TTC28: variants seen among roughly 807,000 people sequenced by gnomAD.
TTC28 encodes tetratricopeptide repeat domain 28.
TTC28 carries 61 observed loss-of-function variants against 198.0 expected under a neutral mutation model. The observed-to-expected ratio is 0.31, with a 90% CI of 0.25 to 0.38. The LOEUF (loss-of-function observed/expected upper bound fraction) is 0.38, where lower values mean the gene tolerates loss of function less well. TTC28 is among the 10% of genes least tolerant of loss of function. The pLI, the probability that TTC28 is intolerant of heterozygous loss-of-function variation, is 1.00. For missense variants in TTC28, 2,678 were observed against 3,164.0 expected, an observed-to-expected ratio of 0.85 and a Z score of 3.69; for synonymous variants, 1,171 against 1,297.8, an observed-to-expected ratio of 0.90 and a Z score of 2.10.
chr22:28,287,552 G>C (rs548074626), intron 5 of TTC28, among the ~76,000 whole-genome samples: 2 of 152,262 alleles, frequency 1.3e-5, no homozygotes, highest in East Asian at 3.9e-4. Context: ...TGTTGCTAAG[G>C]AGTCAAAGAT....
rs1010048714 is a variant in TTC28, at chr22:28,334,186, C to A, written c.382-27543G>T. Among the ~76,000 whole-genome samples the A allele has an allele frequency of 4.3e-4, 66 of 151,840 alleles. 1 individual carries two copies. The highest frequency in any genetic ancestry group is 1.4e-3 in the African/African-American group (57 of 41,402). On this transcript the variant is annotated intron_variant, in intron 2 of 22. Coordinates refer to ENST00000397906, the MANE Select transcript of TTC28 (RefSeq NM_001145418.2). ...TCCCTACAAAGGACATGAACTCATCCCTTTTTATGGCTGCATAGTATTCCA... is the reference window on the plus strand; with the variant it reads ...TCCCTACAAAGGACATGAACTCATCACTTTTTATGGCTGCATAGTATTCCA...
At chr22:28,277,395 T>A (rs2044492247) in intron 5 of TTC28, among the ~76,000 whole-genome samples, 1 of 152,176 alleles carries the variant, frequency 6.6e-6, no homozygotes, top group Admixed American at 6.5e-5. Context: ...AAAACTGAAA[T>A]AAGAAAGGAT....
chr22:28,039,035 G>T (rs1362861921), intron 12 of TTC28, among the ~76,000 whole-genome samples: 1 of 152,216 alleles, frequency 6.6e-6, no homozygotes, highest in East Asian at 1.9e-4. Context: ...TGCTGGACAG[G>T]ATGTGGAGAT....
At chr22:28,022,865 C>T (rs935217881) in intron 13 of TTC28, among the ~76,000 whole-genome samples, 23 of 152,264 alleles carry the variant, frequency 1.5e-4, no homozygotes, top group Admixed American at 9.8e-4. Flanking sequence ...CTTCCCTCCA[C>T]GAACATCCTC....
chr22:28,292,969 A>G (rs2044815931), intron 5 of TTC28, among the ~76,000 whole-genome samples: 1 of 152,194 alleles, frequency 6.6e-6, no homozygotes, highest in African/African-American at 2.4e-5. Context: ...TAACATAGAT[A>G]AAATACATAT....
chr22:28,113,595 T>C (rs1942550236), intron 6 of TTC28, among the ~76,000 whole-genome samples: 1 of 152,242 alleles, frequency 6.6e-6, no homozygotes, highest in African/African-American at 2.4e-5. Context: ...GTAACTCTTA[T>C]TAGTCTTGCT....
At chr22:28,075,087 CAATA>C (rs139230003) in intron 12 of TTC28, among the ~76,000 whole-genome samples, 11,588 of 151,550 alleles carry the variant, frequency 0.076, 468 homozygotes, top group South Asian at 0.088. Flanking sequence ...GATTCTGTCT[CAATA>C]AATAAATAAA....
intron 2 of TTC28, among the ~76,000 whole-genome samples, chr22:28,546,776 G>A (rs1329543385): frequency 6.6e-6 from 1 of 152,042 alleles, no homozygotes; most frequent in Admixed American, 6.6e-5. Context: ...TACCACAACA[G>A]AATACCACTC....
intron 2 of TTC28, among the ~76,000 whole-genome samples, chr22:28,597,037 G>A (rs1023482350): frequency 9.2e-5 from 14 of 152,114 alleles, no homozygotes; most frequent in African/African-American, 2.9e-4. Flanking sequence ...GGGTAATACC[G>A]AGTCATACCA....
At chr22:28,008,172 C>T (rs2146567815) in intron 14 of TTC28, 1 of 152,298 alleles carries the variant, frequency 6.6e-6, no homozygotes, top group Admixed American at 6.5e-5. Context: ...GAGAGGCCGA[C>T]TTATCCTGCT....
intron 2 of TTC28, among the ~76,000 whole-genome samples, chr22:28,356,433 A>G (rs2046078399): frequency 6.6e-6 from 1 of 152,256 alleles, no homozygotes; most frequent in Middle Eastern, 3.2e-3. Flanking sequence ...GGGCAGCCAC[A>G]TAATTTGGCT....
intron 6 of TTC28, among the ~76,000 whole-genome samples, chr22:28,132,554 C>G (rs1943085123): frequency 6.6e-6 from 1 of 152,066 alleles, no homozygotes; most frequent in African/African-American, 2.4e-5. Flanking sequence ...TTCAAAAAAC[C>G]CTTTCCAGTT....
intron 5 of TTC28, among the ~76,000 whole-genome samples, chr22:28,268,975 A>G (rs1265535987): frequency 6.6e-6 from 1 of 152,178 alleles, no homozygotes. Flanking sequence ...AAAGTACGCT[A>G]TATCTTTAAT....
chr22:28,031,982 C>T (rs1360980993), intron 12 of TTC28, among the ~76,000 whole-genome samples: 2 of 151,620 alleles, frequency 1.3e-5, no homozygotes, highest in African/African-American at 4.8e-5. Flanking sequence ...TGCCTTCAGG[C>T]TTGGACTTGA....
intron 12 of TTC28, among the ~76,000 whole-genome samples, chr22:28,049,334 T>G (rs1939990304): frequency 1.3e-5 from 2 of 152,154 alleles, no homozygotes; most frequent in Non-Finnish European, 2.9e-5. Flanking sequence ...ACTGGAAAAA[T>G]AAAATCGGCA....
intron 12 of TTC28, among the ~76,000 whole-genome samples, chr22:28,042,731 A>G (rs535043144): frequency 4.6e-5 from 7 of 152,212 alleles, no homozygotes; most frequent in South Asian, 2.1e-4. Flanking sequence ...TTAAAAAAAA[A>G]AAAAGAAAAG....
intron 2 of TTC28, among the ~76,000 whole-genome samples, chr22:28,629,201 G>A (rs1157046950): frequency 2.0e-5 from 3 of 151,672 alleles, no homozygotes; most frequent in African/African-American, 7.3e-5. Flanking sequence ...TTAAATTGAA[G>A]GAAAGAAACA....
chr22:28,086,167 T>G (rs1041600690), intron 12 of TTC28, among the ~76,000 whole-genome samples: 6 of 152,090 alleles, frequency 3.9e-5, no homozygotes, highest in Non-Finnish European at 5.9e-5. Context: ...GCGGACCTAA[T>G]AGACATCTAC....
intron 14 of TTC28, among the ~76,000 whole-genome samples, chr22:28,012,837 T>A (rs963607985): frequency 6.6e-6 from 1 of 152,180 alleles, no homozygotes; most frequent in African/African-American, 2.4e-5. Flanking sequence ...TTGTCTAACC[T>A]GCTCTAACCT....
Sources: gnomAD v4.1 joint callset for allele counts (sites outside exome capture counted in the v4.1 genomes callset) on GRCh38, gnomAD v4.1.1 for gene constraint, MANE v1.5 for transcripts, NCBI Gene and HGNC (gene_info 2026-07-23, HGNC 2026-07-21) for gene names.